The following VPS13C variants were observed in gnomAD, a reference collection of about 807,000 sequenced individuals.
The protein encoded by VPS13C is vacuolar protein sorting 13 homolog C.
Under a neutral mutation model 456.8 loss-of-function variants are expected in VPS13C, and 358 were observed. That is an observed-to-expected ratio of 0.78 (90% CI 0.72 to 0.86). The LOEUF (loss-of-function observed/expected upper bound fraction) is 0.86, where lower values mean the gene tolerates loss of function less well. Among genes scored for constraint, VPS13C ranks in the 40% least tolerant of loss-of-function variants. The pLI, the probability that VPS13C is intolerant of heterozygous loss-of-function variation, is 0.00. For missense variants in VPS13C, 4,818 were observed against 4,385.4 expected (o/e 1.10, Z -2.79); for synonymous variants, 1,578 against 1,486.7 (o/e 1.06, Z -1.41).
chr15:62,023,570 C>A (rs919350974), intron 7 of VPS13C, 50 bp from the exon 8 acceptor site: 1 of 1,374,172 alleles, frequency 7.3e-7, no homozygotes, highest in Non-Finnish European at 9.9e-7. Flanking sequence ...TTCTCATATA[C>A]CTCAAAATTA....
intron 5 of VPS13C, 104 bp from the exon 6 acceptor site, chr15:62,028,524 T>A (rs559064516): frequency 8.7e-7 from 1 of 1,145,932 alleles, no homozygotes; most frequent in East Asian, 2.6e-5. Flanking sequence ...TAATTAGAAA[T>A]CATGTAACAG....
intron 2 of VPS13C, among the ~76,000 whole-genome samples, chr15:62,043,704 A>G (rs1454427915): frequency 2.6e-5 from 4 of 152,208 alleles, no homozygotes; most frequent in Admixed American, 6.5e-5. Flanking sequence ...ATTTAGCCCA[A>G]CAAGCTAAAC....
At chr15:61,874,472 AAAAAT>A (rs954363438) in intron 77 of VPS13C, among the ~76,000 whole-genome samples, 2 of 152,028 alleles carry the variant, frequency 1.3e-5, no homozygotes, top group African/African-American at 2.4e-5. Flanking sequence ...TGTGTCAATT[AAAAAT>A]AAAATAATTT....
intron 40 of VPS13C, 46 bp downstream of exon 40, chr15:61,950,899 T>A: frequency 7.9e-7 from 1 of 1,268,698 alleles, no homozygotes. Context: ...GTAATATAAC[T>A]TCATATATTC....
chr15:62,041,326 A>C lies in VPS13C; in HGVS notation c.185T>G (p.Ile62Ser). 6.2e-7 allele frequency: 1 copy of C among 1,607,020 alleles called. No individual in the cohort carries two copies. Among genetic ancestry groups the C allele is most frequent in the Non-Finnish European group, 8.5e-7 (1 of 1,178,218 alleles). Reference sequence around the variant, plus strand: ...CAAATGAAGACTAAAGTACTTACCAATTTGGCCAGCCTTGACTTTAAAAGG... The same window carrying C: ...CAAATGAAGACTAAAGTACTTACCACTTTGGCCAGCCTTGACTTTAAAAGG... ...DVPFKVKAGQ[I>S]DKLTLKIPWK... Residue 62 changes from isoleucine to serine, a missense_variant and splice_region_variant, in exon 3 of 85, where the codon ATT (isoleucine) becomes AGT (serine). Ile to Ser is a moderately radical substitution (Grantham distance 142, BLOSUM62 -2). Transcript: ENST00000644861.
At chr15:61,927,014 C>G in intron 52 of VPS13C, 77 bp downstream of exon 52, 1 of 1,294,766 alleles carries the variant, frequency 7.7e-7, no homozygotes, top group Non-Finnish European at 1.1e-6. Flanking sequence ...CTGCAGAGCT[C>G]TCATATTCTA....
Position 61,946,292 on chromosome 15 carries a change from C to A in VPS13C, c.4980+15G>T, listed in dbSNP as rs767216134. On this transcript the variant is annotated intron_variant, in intron 44 of 84. Coordinates refer to ENST00000644861, the MANE Select transcript of VPS13C (RefSeq NM_020821.3). ...GCAAAATAAATTCCAATATAAAAATCTATTTTTTAATCACCTTTTTGTGAA... is the reference window on the plus strand; with the variant it reads ...GCAAAATAAATTCCAATATAAAAATATATTTTTTAATCACCTTTTTGTGAA... 24 of 1,549,016 alleles carry A rather than the reference C, an allele frequency of 1.5e-5. No individual in the cohort carries two copies. Among genetic ancestry groups the A allele is most frequent in the East Asian group, 9.2e-5 (4 of 43,646 alleles).
At position 61,954,538 on chromosome 15, in the gene VPS13C, G is replaced by T; in HGVS notation, c.4182C>A (p.Pro1394=). 6.3e-7 allele frequency: 1 copy of T among 1,575,866 alleles called. No individual in the cohort carries two copies. Among genetic ancestry groups the T allele is most frequent in the Non-Finnish European group, 8.6e-7 (1 of 1,167,708 alleles). ...CATCTTGTGATATAGAGATTTCAAG[G>T]GGCTCTTTAATTTCACCTGAAATGT... ...RVQETGEIKE[P]LEISISQDVH... Residue 1394 remains proline, a synonymous_variant, in exon 38 of 85, where the codon CCC becomes CCA. Coordinates refer to ENST00000644861, the MANE Select transcript of VPS13C (RefSeq NM_020821.3).
intron 37 of VPS13C, among the ~76,000 whole-genome samples, chr15:61,956,859 G>C (rs1323930866): frequency 6.6e-6 from 1 of 152,074 alleles, no homozygotes; most frequent in Non-Finnish European, 1.5e-5. Context: ...AAAGTAAATT[G>C]GTACAACCAG....
chr15:61,923,667 T>G (rs2043735895), intron 53 of VPS13C, among the ~76,000 whole-genome samples: 2 of 151,226 alleles, frequency 1.3e-5, no homozygotes, highest in African/African-American at 4.9e-5. Context: ...TATTGTTCAC[T>G]TCTCACAATC....
Position 61,952,106 on chromosome 15 carries a change from C to T in VPS13C, c.4300-126G>A, listed in dbSNP as rs926753574. 5 of 1,069,046 alleles carry T rather than the reference C, an allele frequency of 4.7e-6. No individual in the cohort carries two copies. In the African/African-American group the frequency reaches 8.0e-5, roughly 17 times the overall value. 66.2% of individuals were successfully genotyped at this position (1,069,046 alleles called of 1,614,324 possible). ...TCACACAATGTTAAGATGTGTACTT[C>T]TATTTGTGCCTGCAGTTTGGCATGA... is the stretch of plus-strand genomic sequence containing the variant. On this transcript the variant is annotated intron_variant, in intron 38 of 84. Coordinates refer to ENST00000644861, the MANE Select transcript of VPS13C (RefSeq NM_020821.3).
intron 49 of VPS13C, among the ~76,000 whole-genome samples, chr15:61,932,421 C>G (rs1453675251): frequency 1.3e-5 from 2 of 151,918 alleles, no homozygotes; most frequent in African/African-American, 2.4e-5. Context: ...ATCGAAGTCT[C>G]AAATCCCAAA....
rs191174053 is a variant in VPS13C, at chr15:61,943,782, T to G, written c.5149-1715A>C. Among the ~76,000 whole-genome samples the G allele has an allele frequency of 1.5e-3, 228 of 151,776 alleles. 1 individual carries two copies. Among genetic ancestry groups the G allele is most frequent in the African/African-American group, 5.0e-3 (209 of 41,414 alleles). On this transcript the variant is annotated intron_variant, in intron 45 of 84. Transcript: ENST00000644861. ...AAGCAACTGCAACAAAAATAAAAAT[T>G]GACAAGTGAGACCTAATTAAAGAGC...
At position 62,023,454 on chromosome 15, in the gene VPS13C, A is replaced by G. The variant is rs1256237252; in HGVS notation, c.581T>C (p.Val194Ala). 6.3e-7 allele frequency: 1 copy of G among 1,579,916 alleles called. No homozygotes were observed. The highest frequency in any genetic ancestry group is 8.6e-7 in the Non-Finnish European group (1 of 1,165,604). Residue 194 changes from valine (V) to alanine (A), a missense_variant, in exon 8 of 85, where the codon GTA (valine) becomes GCA (alanine). Transcript: ENST00000644861. Reference sequence around the variant, plus strand: ...GTGAATATCTGTGATTTTTACTTGTACATTTTTTATTACTTGAGTTGCCAA... The same window carrying G: ...GTGAATATCTGTGATTTTTACTTGTGCATTTTTTATTACTTGAGTTGCCAA... ...EKLATQVIKN[V>A]QVKITDIHIK...
At chr15:61,924,934 T>C (rs536467739) in intron 53 of VPS13C, among the ~76,000 whole-genome samples, 9 of 152,274 alleles carry the variant, frequency 5.9e-5, no homozygotes, top group African/African-American at 9.6e-5. Flanking sequence ...CTGAACGCCA[T>C]TGGAAAACAA....
chr15:61,946,712 T>G (rs1314805848), intron 43 of VPS13C, among the ~76,000 whole-genome samples: 3 of 151,740 alleles, frequency 2.0e-5, no homozygotes, highest in African/African-American at 7.2e-5. Flanking sequence ...ATCACATTTC[T>G]CCAAACTTAA....
intron 18 of VPS13C, 57 bp downstream of exon 18, chr15:61,990,943 A>G: frequency 8.5e-7 from 1 of 1,176,462 alleles, no homozygotes; most frequent in Non-Finnish European, 1.2e-6. Context: ...GTCTAATCCA[A>G]TTCAATCTAA....
rs753128059 is a variant in VPS13C, at chr15:61,931,135, C to T, written c.5993G>A (p.Cys1998Tyr). Residue 1998 changes from cysteine (C) to tyrosine (Y), a missense_variant, in exon 50 of 85, where the codon TGC (cysteine) becomes TAC (tyrosine). By Grantham distance (194) the Cys-to-Tyr change is radical (BLOSUM62 -2). This residue lies in a region of VPS13C where 4,552 missense variants were observed against 4,130.6 expected (regional missense o/e 1.10). Coordinates refer to ENST00000644861, the MANE Select transcript of VPS13C (RefSeq NM_020821.3). ...SMNVSVKLKT[C>Y]TLDDLREGIE... The stretch of plus-strand genomic sequence containing the variant: ...TCCTTCTCTGAGATCATCAAGGGTG[C>T]ATGTCTTAAGTTTAACGCTGACATT... 14 of 1,614,066 alleles carry T rather than the reference C, an allele frequency of 8.7e-6. No individual in the cohort carries two copies. The highest frequency in any genetic ancestry group is 2.2e-5 in the East Asian group (1 of 44,860).
Position 62,023,148 on chromosome 15 carries a change from T to C in VPS13C, c.624+263A>G, listed in dbSNP as rs546472961. The stretch of plus-strand genomic sequence containing the variant: ...TAATATTATGTCTTAACACGTAAAA[T>C]AAAATTCAAAAAAAATAACAGAAGA... On this transcript the variant is annotated intron_variant, in intron 8 of 84. Transcript: ENST00000644861. 9.2e-5 allele frequency among the ~76,000 whole-genome samples: 14 copies of C among 151,790 alleles called. No individual in the cohort carries two copies. The South Asian group carries it at 2.7e-3, about 29-fold the overall frequency.
Sources: allele counts gnomAD v4.1 joint callset (sites outside exome capture counted in the v4.1 genomes callset), GRCh38; gene constraint gnomAD v4.1.1; regional missense constraint gnomAD v4.1.1; transcripts MANE v1.5; gene names NCBI Gene and HGNC (gene_info 2026-07-23, HGNC 2026-07-21).